AKT2: variants seen among roughly 807,000 people sequenced by gnomAD.
The protein encoded by AKT2 is AKT serine/threonine kinase 2.
A neutral mutation model predicts 58.6 loss-of-function variants in AKT2; 16 were observed. The ratio of observed to expected loss-of-function variants is 0.27; its 90% CI spans 0.18 to 0.41. The LOEUF (loss-of-function observed/expected upper bound fraction) is 0.41, where lower values mean the gene tolerates loss of function less well. Among genes scored for constraint, AKT2 ranks in the 10% least tolerant of loss-of-function variants. The pLI, the probability that AKT2 is intolerant of heterozygous loss-of-function variation, is 1.00. For synonymous variants in AKT2, 253 were observed against 254.0 expected, an observed-to-expected ratio of 1.00 and a Z score of 0.04; for missense variants, 438 against 661.0, an observed-to-expected ratio of 0.66 and a Z score of 3.70.
intron 4 of AKT2, among the ~76,000 whole-genome samples, chr19:40,246,642 G>A (rs899236523): frequency 1.6e-4 from 24 of 152,224 alleles, no homozygotes; most frequent in Admixed American, 2.6e-4. Flanking sequence ...GATGTACAGC[G>A]TGGTATCATC....
At chr19:40,257,148 C>T in intron 2 of AKT2, 94 bp from the exon 3 acceptor site, 2 of 1,502,758 alleles carry the variant, frequency 1.3e-6, no homozygotes, top group East Asian at 2.3e-5. Context: ...CGGTGACTCA[C>T]AAGGGGTACC....
At chr19:40,250,584 C>A (rs1182593020) in intron 4 of AKT2, among the ~76,000 whole-genome samples, 2 of 151,968 alleles carry the variant, frequency 1.3e-5, no homozygotes, top group Non-Finnish European at 2.9e-5. Flanking sequence ...TCTTAGCACT[C>A]TGGGAGGTTA....
rs750549067 is a variant in AKT2, at chr19:40,233,654, C to G, written c.*218G>C. The G allele has an allele frequency of 1.3e-6, 1 of 759,864 alleles. No homozygotes were observed. Among genetic ancestry groups the G allele is most frequent in the Non-Finnish European group, 2.4e-6 (1 of 415,692 alleles). 47.1% of individuals were successfully genotyped at this position (759,864 alleles called of 1,614,324 possible). A position where few individuals can be genotyped will look rare whatever the true frequency, so the allele number is the denominator to read the frequency against. ...GGCCTGGGCGGGAGGTGGAGTCTTC[C>G]AAATGCGAGTCTGGGCACAAAGGTG... On this transcript the variant is annotated 3_prime_UTR_variant, in exon 14 of 14. Coordinates refer to ENST00000392038, the MANE Select transcript of AKT2 (RefSeq NM_001626.6). The surrounding 1 kb of genome is among the most constrained non-coding windows in gnomAD (Gnocchi z 4.3).
At position 40,242,471 on chromosome 19, in the gene AKT2, A is replaced by G; in HGVS notation, c.441+63T>C. The G allele has an allele frequency of 6.2e-7, 1 of 1,603,800 alleles. No homozygotes were observed. Among genetic ancestry groups the G allele is most frequent in the Admixed American group, 1.7e-5 (1 of 60,024 alleles). On this transcript the variant is annotated intron_variant, in intron 5 of 13. Coordinates refer to ENST00000392038, the MANE Select transcript of AKT2 (RefSeq NM_001626.6). This position sits in a 1 kb window ranked among gnomAD's most constrained non-coding sequence, Gnocchi z 4.3. Reference sequence around the variant, plus strand: ...CTGTGTTATGGAAACCAAGGAGAGCAGGCCAGCACTGGGGGTGGGGGCACC... The same window carrying G: ...CTGTGTTATGGAAACCAAGGAGAGCGGGCCAGCACTGGGGGTGGGGGCACC...
chr19:40,249,330 T>C (rs1239177775), intron 4 of AKT2, among the ~76,000 whole-genome samples: 1 of 152,138 alleles, frequency 6.6e-6, no homozygotes, highest in African/African-American at 2.4e-5. Flanking sequence ...AAGGTACCAG[T>C]GCTGCGTGTG....
chr19:40,235,841 A>G lies in AKT2; in HGVS notation c.1175+49T>C. On this transcript the variant is annotated intron_variant, in intron 11 of 13. Coordinates refer to ENST00000392038, the MANE Select transcript of AKT2 (RefSeq NM_001626.6). This position sits in a 1 kb window ranked among gnomAD's most constrained non-coding sequence, Gnocchi z 6.3. Reference sequence around the variant, plus strand: ...GCTGCCCCCTCCAGGCCGCAGGGACAGTGGCAGCAGCTGGCGCTGGGCTGG... The same window carrying G: ...GCTGCCCCCTCCAGGCCGCAGGGACGGTGGCAGCAGCTGGCGCTGGGCTGG... 2.6e-6 allele frequency: 4 copies of G among 1,559,350 alleles called. No homozygotes were observed. In the South Asian group the frequency reaches 4.6e-5, roughly 18 times the overall value.
At chr19:40,264,450 G>A (rs1214471506) in intron 2 of AKT2, among the ~76,000 whole-genome samples, 1 of 152,156 alleles carries the variant, frequency 6.6e-6, no homozygotes, top group Non-Finnish European at 1.5e-5. Context: ...CTCGTCTGGA[G>A]TGCCAAAGCC....
chr19:40,251,129 A>C (rs1039546564), intron 4 of AKT2, among the ~76,000 whole-genome samples: 1 of 151,578 alleles, frequency 6.6e-6, no homozygotes, highest in South Asian at 2.1e-4. Context: ...GATTAAGCTC[A>C]GGAGTTTGAG....
intron 1 of AKT2, 188 bp downstream of exon 1, chr19:40,284,993 C>A (rs1409644408): frequency 5.4e-6 from 2 of 373,772 alleles, no homozygotes; most frequent in Non-Finnish European, 9.5e-6. Flanking sequence ...CCGCCGCCAC[C>A]GCCCCGGCCC....
intron 2 of AKT2, among the ~76,000 whole-genome samples, chr19:40,261,706 A>G (rs1975970647): frequency 1.3e-5 from 2 of 152,162 alleles, no homozygotes; most frequent in Non-Finnish European, 2.9e-5. Context: ...CTCGGGTAAT[A>G]TGTTATAGCA....
At chr19:40,240,536 G>A (rs1014365635) in intron 6 of AKT2, among the ~76,000 whole-genome samples, 19 of 152,212 alleles carry the variant, frequency 1.2e-4, no homozygotes, top group African/African-American at 4.3e-4. Flanking sequence ...CTGGGAACTG[G>A]CAGCAATGCA....
At chr19:40,279,929 G>T (rs781330524) in intron 1 of AKT2, among the ~76,000 whole-genome samples, 2 of 152,124 alleles carry the variant, frequency 1.3e-5, no homozygotes, top group African/African-American at 2.4e-5. Context: ...TCCTCCCATG[G>T]CTCCCTCACA....
Position 40,233,949 on chromosome 19 carries a change from C to T in AKT2, c.1369G>A (p.Asp457Asn). The T allele has an allele frequency of 1.9e-6, 3 of 1,610,718 alleles. No homozygotes were observed. The highest frequency in any genetic ancestry group is 2.5e-6 in the Non-Finnish European group (3 of 1,179,870). ...SITITPPDRY[D>N]SLGLLELDQR... ...TCCAGCTCCAGTAAGCCCAGGCTGT[C>T]ATCTGTGGGCGGCAGAGGTGGATGG... Residue 457 changes from aspartate to asparagine, a missense_variant and splice_region_variant, in exon 14 of 14, where the codon GAC (aspartate) becomes AAC (asparagine). Transcript: ENST00000392038. The surrounding 1 kb of genome is among the most constrained non-coding windows in gnomAD (Gnocchi z 4.3).
chr19:40,281,496 GA>G (rs924172370), intron 1 of AKT2, among the ~76,000 whole-genome samples: 8 of 144,238 alleles, frequency 5.5e-5, no homozygotes, highest in East Asian at 4.0e-4. Context: ...TGTCTCAAAA[GA>G]AAAAAAAAAA....
chr19:40,269,655 A>T (rs939970594), intron 1 of AKT2: 1 of 152,216 alleles, frequency 6.6e-6, no homozygotes, highest in African/African-American at 2.4e-5. Context: ...GACAGCAGCA[A>T]TATTCACAGT....
At chr19:40,275,764 T>TGGGGGG (rs1004974778) in intron 1 of AKT2, among the ~76,000 whole-genome samples, 9 of 4,740 alleles carry the variant, frequency 1.9e-3, no homozygotes, top group Admixed American at 5.5e-3. Flanking sequence ...TTTGGGAGGC[T>TGGGGGG]GGGGGGGGGG....
chr19:40,230,565 CAA>C lies in AKT2; in HGVS notation c.*3305_*3306del. On this transcript the variant is annotated 3_prime_UTR_variant, in exon 14 of 14. Coordinates refer to ENST00000392038, the MANE Select transcript of AKT2 (RefSeq NM_001626.6). ...TTCACATTAACTGGAAAAGATTACA[CAA>C]AAAGAGCAGGAAACTACCAATTTAT... 4.4e-6 allele frequency: 1 copy of C among 227,884 alleles called. No homozygotes were observed. Among genetic ancestry groups the C allele is most frequent in the African/African-American group, 2.2e-5 (1 of 45,096 alleles). 14.1% of individuals were successfully genotyped at this position (227,884 alleles called of 1,614,324 possible). A position where few individuals can be genotyped will look rare whatever the true frequency, so the allele number is the denominator to read the frequency against.
At chr19:40,257,126 G>A in intron 2 of AKT2, 72 bp from the exon 3 acceptor site, 1 of 1,576,980 alleles carries the variant, frequency 6.3e-7, no homozygotes. Context: ...GGCGGCAGGA[G>A]GCCCAGTGTG....
At chr19:40,275,619 G>A (rs1045122977) in intron 1 of AKT2, 3 of 272,294 alleles carry the variant, frequency 1.1e-5, no homozygotes, top group Non-Finnish European at 2.2e-5. Flanking sequence ...ACAGAAATGT[G>A]GTTACTAAAT....
Sources: allele counts gnomAD v4.1 joint callset (sites outside exome capture counted in the v4.1 genomes callset), GRCh38; gene constraint gnomAD v4.1.1; non-coding constraint Gnocchi (gnomAD v3.1); transcripts MANE v1.5; gene names NCBI Gene and HGNC (gene_info 2026-07-23, HGNC 2026-07-21).